The following TPRG1 variants were observed in gnomAD, a reference collection of about 807,000 sequenced individuals.
TPRG1 encodes the protein tumor protein p63-regulated gene 1 protein.
A neutral mutation model predicts 29.3 loss-of-function variants in TPRG1; 29 were observed. The ratio of observed to expected loss-of-function variants is 0.99; its 90% CI spans 0.74 to 1.35. The LOEUF (loss-of-function observed/expected upper bound fraction) is 1.35. TPRG1 is among the 40% of genes most tolerant of loss of function. The pLI is 0.00. For missense variants in TPRG1, 327 were observed against 335.0 expected (o/e 0.98, Z 0.19); for synonymous variants, 130 against 116.8 (o/e 1.11, Z -0.73).
At chr3:189,204,641 G>A (rs1389184610) in intron 1 of TPRG1, among the ~76,000 whole-genome samples, 1 of 152,218 alleles carries the variant, frequency 6.6e-6, no homozygotes, top group Non-Finnish European at 1.5e-5. Context: ...CTGAGGGAGA[G>A]GAAGTGGTGC....
At chr3:189,305,475 G>C (rs1276876311) in intron 4 of TPRG1, among the ~76,000 whole-genome samples, 2 of 152,108 alleles carry the variant, frequency 1.3e-5, no homozygotes, top group African/African-American at 4.8e-5. Context: ...TGTGTGCTTT[G>C]CCACTAGTAT....
chr3:189,305,846 T>A (rs11917253), intron 4 of TPRG1, among the ~76,000 whole-genome samples: 8,922 of 152,248 alleles, frequency 0.059, 602 homozygotes, highest in African/African-American at 0.16. Context: ...ATGGGACCCT[T>A]CCCCTGCCTC....
intron 4 of TPRG1, among the ~76,000 whole-genome samples, chr3:189,078,005 C>T (rs1717293713): frequency 7.9e-6 from 1 of 126,672 alleles, no homozygotes; most frequent in African/African-American, 3.4e-5. Context: ...CTCCTAAAAA[C>T]CTTTTCCTTC....
chr3:189,130,358 C>G (rs544952449), intron 2 of TPRG1, among the ~76,000 whole-genome samples: 1 of 152,240 alleles, frequency 6.6e-6, no homozygotes, highest in South Asian at 2.1e-4. Flanking sequence ...AACATTGCTC[C>G]TCATTAAGGA....
chr3:189,230,235 G>A (rs1246511284), intron 3 of TPRG1, among the ~76,000 whole-genome samples: 1 of 152,150 alleles, frequency 6.6e-6, no homozygotes, highest in Admixed American at 6.5e-5. Flanking sequence ...AGTAGAGAGA[G>A]CAAAATTGCC....
At chr3:189,310,306 G>C (rs1722278911) in intron 4 of TPRG1, 80 bp from the exon 5 acceptor site, 1 of 1,259,532 alleles carries the variant, frequency 7.9e-7, no homozygotes, top group Non-Finnish European at 1.1e-6. Flanking sequence ...TAATATGAAG[G>C]CTGACTGATG....
At chr3:189,303,425 A>T (rs1437841682) in intron 4 of TPRG1, among the ~76,000 whole-genome samples, 6 of 152,144 alleles carry the variant, frequency 3.9e-5, no homozygotes. Context: ...TCCTCTAGAC[A>T]CTATCCAATC....
chr3:189,008,778 A>G (rs1712443088), intron 3 of TPRG1, among the ~76,000 whole-genome samples: 2 of 152,170 alleles, frequency 1.3e-5, no homozygotes, highest in Non-Finnish European at 1.5e-5. Context: ...TTGTATGGAA[A>G]AGGAAACAGC....
chr3:189,137,296 ATGTGTGTGTGTGTGTGTGTGTGTGTG>A (rs10525363), intron 3 of TPRG1, among the ~76,000 whole-genome samples: 9 of 129,902 alleles, frequency 6.9e-5, no homozygotes, highest in East Asian at 2.3e-4. Context: ...AAACCCCAAA[ATGTGTGTGTGTGTGTGTGTGTGTGTG>A]TGTGTGTGTG....
intron 4 of TPRG1, among the ~76,000 whole-genome samples, chr3:189,027,388 G>A (rs1376011407): frequency 6.6e-6 from 1 of 152,140 alleles, no homozygotes; most frequent in African/African-American, 2.4e-5. Flanking sequence ...TTTACATCTG[G>A]ACTAAGTAAG....
Position 189,138,636 on chromosome 3 carries a change from C to T in TPRG1, c.-291+5939C>T, listed in dbSNP as rs1326614199. ...AAAGGTGATGTCTGGAAGTTGTGTA[C>T]ATCACTCCTGTCCATATGTATGCCT... is the stretch of plus-strand genomic sequence containing the variant. On this transcript the variant is annotated intron_variant, in intron 3 of 6. Coordinates refer to the TPRG1 transcript ENST00000412373. 2.0e-5 allele frequency among the ~76,000 whole-genome samples: 3 copies of T among 152,178 alleles called. No individual in the cohort carries two copies. In the East Asian group the frequency reaches 5.8e-4, roughly 29 times the overall value.
chr3:189,137,305 TG>T (rs1723879354), intron 3 of TPRG1, among the ~76,000 whole-genome samples: 1 of 82,332 alleles, frequency 1.2e-5, no homozygotes, highest in African/African-American at 5.6e-5. Flanking sequence ...AATGTGTGTG[TG>T]TGTGTGTGTG....
chr3:189,242,964 A>G (rs1579003443), intron 4 of TPRG1, among the ~76,000 whole-genome samples: 1 of 152,078 alleles, frequency 6.6e-6, no homozygotes, highest in East Asian at 1.9e-4. Flanking sequence ...GTTGTTAATA[A>G]TATTTCCTTA....
At chr3:189,295,129 C>T (rs528874695) in intron 4 of TPRG1, among the ~76,000 whole-genome samples, 2 of 152,276 alleles carry the variant, frequency 1.3e-5, no homozygotes, top group South Asian at 4.1e-4. Flanking sequence ...TTTTCATGCC[C>T]TGGTTAAATC....
rs143870457 is a variant in TPRG1, at chr3:189,250,899, C to T, written c.479+11990C>T. On this transcript the variant is annotated intron_variant, in intron 4 of 5. Coordinates refer to ENST00000345063, the MANE Select transcript of TPRG1 (RefSeq NM_198485.4). Reference sequence around the variant, plus strand: ...GGCAGAGCTGATTGAATACATCTTACAGGTGAGAAATGCGAGACTTACAGG... The same window carrying T: ...GGCAGAGCTGATTGAATACATCTTATAGGTGAGAAATGCGAGACTTACAGG... Among the ~76,000 whole-genome samples, 417 of 152,154 alleles carry T rather than the reference C, an allele frequency of 2.7e-3. 4 individuals are homozygous for T. The highest frequency in any genetic ancestry group is 9.8e-3 in the African/African-American group (407 of 41,512).
chr3:189,081,545 A>G (rs956455856), intron 4 of TPRG1, among the ~76,000 whole-genome samples: 1 of 152,228 alleles, frequency 6.6e-6, no homozygotes, highest in Non-Finnish European at 1.5e-5. Context: ...TAGAAGAAAA[A>G]AAGTATGGTC....
intron 4 of TPRG1, among the ~76,000 whole-genome samples, chr3:189,243,811 C>T (rs562388952): frequency 3.3e-4 from 50 of 152,300 alleles, no homozygotes; most frequent in Admixed American, 6.5e-4. Flanking sequence ...TAAGGCATAA[C>T]AAAAGTGACC....
intron 1 of TPRG1, among the ~76,000 whole-genome samples, chr3:189,113,790 G>T (rs1044773681): frequency 6.6e-6 from 1 of 151,998 alleles, no homozygotes; most frequent in East Asian, 1.9e-4. Flanking sequence ...ACGGGGGACG[G>T]ATAGCTTTAG....
chr3:189,036,517 CTA>C (rs1486549342), intron 4 of TPRG1, among the ~76,000 whole-genome samples: 1 of 151,912 alleles, frequency 6.6e-6, no homozygotes, highest in Non-Finnish European at 1.5e-5. Flanking sequence ...GATAAGGAAG[CTA>C]TAATTGTTTG....
Sources: gnomAD v4.1 joint callset for allele counts (sites outside exome capture counted in the v4.1 genomes callset) on GRCh38, gnomAD v4.1.1 for gene constraint, MANE v1.5 for transcripts, NCBI Gene and HGNC (gene_info 2026-07-23, HGNC 2026-07-21) for gene names.